Variants in SPAG6 observed in about 807,000 individuals in gnomAD.
SPAG6 encodes the protein sperm associated antigen 6.
Under a neutral mutation model 58.5 loss-of-function variants are expected in SPAG6, and 49 were observed. The ratio of observed to expected loss-of-function variants is 0.84; its 90% CI spans 0.67 to 1.06. The LOEUF (loss-of-function observed/expected upper bound fraction) is 1.06, where lower values mean the gene tolerates loss of function less well. Ranked by LOEUF, SPAG6 falls within the 50% of genes least tolerant of loss-of-function variation. The pLI, the probability that SPAG6 is intolerant of heterozygous loss-of-function variation, is 0.00. For synonymous variants in SPAG6, 233 were observed against 225.6 expected (o/e 1.03, Z -0.29); for missense variants, 560 against 611.3 (o/e 0.92, Z 0.89).
chr10:22,369,577 A>G (rs1375794764), intron 4 of SPAG6, among the ~76,000 whole-genome samples: 1 of 152,126 alleles, frequency 6.6e-6, no homozygotes, highest in Non-Finnish European at 1.5e-5. Context: ...ACAGGGTCTG[A>G]GTTTAGTTTA....
Position 22,345,844 on chromosome 10 carries a change from C to G in SPAG6, c.121+26C>G. ...GTGAGCCCGGAGCCCGAACCCCCGT[C>G]GCCCCCCGCGCACTGAGTCCCCGAC... On this transcript the variant is annotated intron_variant, in intron 2 of 10. Transcript: ENST00000376624. This position sits in a 1 kb window ranked among gnomAD's most constrained non-coding sequence, Gnocchi z 6.3. 6.2e-7 allele frequency: 1 copy of G among 1,602,266 alleles called. No homozygotes were observed. The highest frequency in any genetic ancestry group is 1.1e-5 in the South Asian group (1 of 89,436).
At chr10:22,372,413 C>A (rs111253936) in intron 4 of SPAG6, among the ~76,000 whole-genome samples, 3,256 of 152,292 alleles carry the variant, frequency 0.021, 40 homozygotes, top group Non-Finnish European at 0.033. Flanking sequence ...CAGCTGGAAG[C>A]ATGATGGGCA....
Position 22,411,157 on chromosome 10 carries a change from TACCCCGAGGA to T in SPAG6, c.1443_1452del (p.Tyr481Ter). 1 of 1,609,332 alleles carries T rather than the reference TACCCCGAGGA, an allele frequency of 6.2e-7. No homozygotes were observed. The highest frequency in any genetic ancestry group is 1.1e-5 in the South Asian group (1 of 89,432). Reference sequence around the variant, plus strand: ...ATACATCAACAGTATTAACAGTTGTTACCCCGAGGAAATAGTGAGGTGGGGAAAATGGACT... The same window carrying T: ...ATACATCAACAGTATTAACAGTTGTTAATAGTGAGGTGGGGAAAATGGACT... On this transcript the variant is annotated frameshift_variant, in exon 10 of 11. Transcript: ENST00000376624. LOFTEE classifies it high-confidence loss of function.
At chr10:22,385,671 C>G (rs1019803435) in intron 4 of SPAG6, among the ~76,000 whole-genome samples, 2 of 152,110 alleles carry the variant, frequency 1.3e-5, no homozygotes, top group Non-Finnish European at 2.9e-5. Flanking sequence ...GGACACTAAC[C>G]TGTATTTGCT....
chr10:22,382,444 C>A (rs1254836243), intron 4 of SPAG6, among the ~76,000 whole-genome samples: 1 of 152,060 alleles, frequency 6.6e-6, no homozygotes, highest in Admixed American at 6.5e-5. Flanking sequence ...AGATAAATAA[C>A]CCCTAATGTT....
At position 22,345,658 on chromosome 10, in the gene SPAG6, G is replaced by A. The variant is rs1296134077; in HGVS notation, c.25+22G>A. On this transcript the variant is annotated intron_variant, in intron 1 of 10. Coordinates refer to ENST00000376624, the MANE Select transcript of SPAG6 (RefSeq NM_012443.4). The surrounding 1 kb of genome is among the most constrained non-coding windows in gnomAD (Gnocchi z 6.3). ...CAAGGTAGGGCCGAGGCGGGCAGGT[G>A]CCCTAACTAGCTGGCGCCGAGGAGA... 5.8e-6 allele frequency: 9 copies of A among 1,560,602 alleles called. No individual in the cohort carries two copies. The highest frequency in any genetic ancestry group is 7.8e-6 in the Non-Finnish European group (9 of 1,153,832).
At chr10:22,415,383 A>G (rs1025012206) in intron 10 of SPAG6, among the ~76,000 whole-genome samples, 3 of 152,102 alleles carry the variant, frequency 2.0e-5, no homozygotes, top group Admixed American at 6.5e-5. Flanking sequence ...TTGAAGGCCT[A>G]GGAAGGTAAA....
chr10:22,414,245 A>G (rs1038400486), intron 10 of SPAG6, among the ~76,000 whole-genome samples: 4 of 152,158 alleles, frequency 2.6e-5, no homozygotes, highest in Non-Finnish European at 4.4e-5. Context: ...AATAACCCCA[A>G]TTCTCTGTGG....
chr10:22,383,692 G>T (rs1486882982), intron 4 of SPAG6, among the ~76,000 whole-genome samples: 1 of 151,440 alleles, frequency 6.6e-6, no homozygotes, highest in Non-Finnish European at 1.5e-5. Context: ...GGAGAAGGAA[G>T]GAAGGTTGGA....
chr10:22,362,835 G>T (rs893733719), intron 2 of SPAG6, among the ~76,000 whole-genome samples: 2 of 151,984 alleles, frequency 1.3e-5, no homozygotes, highest in South Asian at 2.1e-4. Flanking sequence ...ACAGGGCTTG[G>T]CCTGACATTT....
intron 4 of SPAG6, among the ~76,000 whole-genome samples, chr10:22,376,955 G>C (rs1833830782): frequency 6.6e-6 from 1 of 151,890 alleles, no homozygotes; most frequent in South Asian, 2.1e-4. Flanking sequence ...GTGGTGTACA[G>C]CTACTTGGGA....
intron 9 of SPAG6, among the ~76,000 whole-genome samples, chr10:22,404,860 C>T (rs541952017): frequency 6.6e-5 from 10 of 152,252 alleles, no homozygotes; most frequent in African/African-American, 2.4e-4. Context: ...ATTCACATCC[C>T]TTGTAAGTTG....
In SPAG6 at chr10:22,345,639, A is replaced by G. The variant is rs200290428; in HGVS notation, c.25+3A>G. ...GAGTCAGAGGCAGGTGCTGCAAGGT[A>G]GGGCCGAGGCGGGCAGGTGCCCTAA... On this transcript the variant is annotated splice_donor_region_variant and intron_variant, in intron 1 of 10. Transcript: ENST00000376624. The surrounding 1 kb of genome is among the most constrained non-coding windows in gnomAD (Gnocchi z 6.3). 1.9e-3 allele frequency: 2,879 copies of G among 1,547,064 alleles called. 2 individuals carry two copies. The highest frequency in any genetic ancestry group is 2.6e-3 in the Middle Eastern group (15 of 5,662).
intron 4 of SPAG6, among the ~76,000 whole-genome samples, chr10:22,383,567 G>A (rs1250608735): frequency 6.6e-6 from 1 of 151,944 alleles, no homozygotes; most frequent in African/African-American, 2.4e-5. Flanking sequence ...GAACCCAGGA[G>A]GCAGAGGTTG....
intron 4 of SPAG6, among the ~76,000 whole-genome samples, chr10:22,385,030 A>G (rs974445703): frequency 1.3e-5 from 2 of 152,164 alleles, no homozygotes; most frequent in Admixed American, 6.5e-5. Flanking sequence ...TCAGCCCACT[A>G]GATATATATA....
intron 2 of SPAG6, among the ~76,000 whole-genome samples, chr10:22,352,193 A>G (rs1201857498): frequency 6.6e-6 from 1 of 151,604 alleles, no homozygotes; most frequent in African/African-American, 2.4e-5. Context: ...AACAAGTGAT[A>G]TGTGTGTGTG....
chr10:22,377,363 C>G (rs1833840725), intron 4 of SPAG6, among the ~76,000 whole-genome samples: 1 of 152,102 alleles, frequency 6.6e-6, no homozygotes. Flanking sequence ...AGTTCTTGAC[C>G]CGCAGAAACT....
chr10:22,398,407 T>TA (rs60248912), intron 8 of SPAG6, among the ~76,000 whole-genome samples: 96 of 151,912 alleles, frequency 6.3e-4, no homozygotes, highest in African/African-American at 1.8e-3. Flanking sequence ...TTCATCAAGA[T>TA]AAAAAAAAAT....
At chr10:22,359,588 A>G (rs1836974682) in intron 2 of SPAG6, among the ~76,000 whole-genome samples, 1 of 152,112 alleles carries the variant, frequency 6.6e-6, no homozygotes, top group South Asian at 2.1e-4. Flanking sequence ...GGGATAATGA[A>G]AAAGTTCTGG....
Sources: gnomAD v4.1 joint callset for allele counts (sites outside exome capture counted in the v4.1 genomes callset) on GRCh38, gnomAD v4.1.1 for gene constraint, Gnocchi (gnomAD v3.1) non-coding constraint, MANE v1.5 for transcripts, NCBI Gene and HGNC (gene_info 2026-07-23, HGNC 2026-07-21) for gene names.